CRYBA1: variants seen among roughly 807,000 people sequenced by gnomAD.
CRYBA1 encodes beta-crystallin A3.
In CRYBA1, 25 loss-of-function variants were observed where a neutral mutation model predicts 36.2. The ratio of observed to expected loss-of-function variants is 0.69; its 90% confidence interval spans 0.50 to 0.97. CRYBA1 has a LOEUF of 0.97. Among genes scored for constraint, CRYBA1 ranks in the 50% least tolerant of loss-of-function variants. The pLI is 0.00. For missense variants in CRYBA1, 224 were observed against 276.3 expected (o/e 0.81, Z 1.34); for synonymous variants, 111 against 90.0 (o/e 1.23, Z -1.32).
chr17:29,253,398 C>T (rs2068947973), intron 4 of CRYBA1, among the ~76,000 whole-genome samples: 1 of 152,212 alleles, frequency 6.6e-6, no homozygotes, highest in Non-Finnish European at 1.5e-5. Context: ...TTCTCACTGT[C>T]AAATCCTCTT....
chr17:29,247,019 G>C, intron 1 of CRYBA1, 125 bp downstream of exon 1: 3 of 1,054,290 alleles, frequency 2.8e-6, no homozygotes, highest in Admixed American at 4.0e-5. Context: ...GAAGAGTGGG[G>C]AACTCTGGCG....
Position 29,246,868 on chromosome 17 carries a change from A to C in CRYBA1, c.5A>C (p.Glu2Ala), listed in dbSNP as rs765316399. The change falls in exon 1 of 6, where the codon GAG becomes GCG. Residue 2 changes from glutamate (E) to alanine (A), a missense_variant. Glu to Ala is a moderately radical substitution (Grantham distance 107). Coordinates refer to ENST00000225387, the MANE Select transcript of CRYBA1 (RefSeq NM_005208.5). ...CCACAGAGCAAGTGGTACCAGATGG[A>C]GACCCAGGCTGAGCAGCAGGAGCTG... Reference protein sequence around the residue: METQAEQQELET... With the variant: MATQAEQQELET... The C allele has an allele frequency of 3.7e-6, 6 of 1,612,764 alleles. No homozygotes were observed. In the Admixed American group the frequency reaches 8.3e-5, roughly 22 times the overall value.
At chr17:29,251,716 C>T (rs993319517) in intron 3 of CRYBA1, among the ~76,000 whole-genome samples, 4 of 152,114 alleles carry the variant, frequency 2.6e-5, no homozygotes, top group Non-Finnish European at 5.9e-5. Context: ...TGGGCTCAAG[C>T]GATCTGCTTG....
chr17:29,247,960 T>C (rs1207299495), intron 1 of CRYBA1, among the ~76,000 whole-genome samples: 1 of 151,850 alleles, frequency 6.6e-6, no homozygotes, highest in African/African-American at 2.4e-5. Flanking sequence ...CTACTAAAAA[T>C]ACAAAATTAG....
intron 2 of CRYBA1, among the ~76,000 whole-genome samples, chr17:29,249,655 C>A (rs1422197416): frequency 2.0e-5 from 3 of 152,358 alleles, no homozygotes; most frequent in Admixed American, 1.3e-4. Flanking sequence ...ACTCCCCACT[C>A]TCCTCATTGG....
In CRYBA1 at chr17:29,254,241, G is replaced by A. The variant is rs1230345052; in HGVS notation, c.540G>A (p.Gln180=). Residue 180 remains glutamine (Q), a synonymous_variant, in exon 6 of 6, where the codon CAG becomes CAA. Transcript: ENST00000225387. ...AATATCCTGGATATCGTGGGTATCA[G>A]TATATCTTGGAATGTGACCATCATG... ...CYQYPGYRGY[Q]YILECDHHGG... is the part of the protein sequence containing the mutation. 1 of 1,614,156 alleles carries A rather than the reference G, an allele frequency of 6.2e-7. No homozygotes were observed. Among genetic ancestry groups the A allele is most frequent in the Non-Finnish European group, 8.5e-7 (1 of 1,180,008 alleles).
chr17:29,249,356 G>C, intron 2 of CRYBA1, 150 bp downstream of exon 2: 1 of 627,324 alleles, frequency 1.6e-6, no homozygotes, highest in East Asian at 2.7e-5. Context: ...TGCTGTCGAA[G>C]GAAGGATCTC....
intron 2 of CRYBA1, 108 bp downstream of exon 2, chr17:29,249,314 GTTTGTAGGGGAAAGGTCC>G (rs1225544625): frequency 7.5e-5 from 57 of 762,076 alleles, no homozygotes; most frequent in Non-Finnish European, 3.7e-5. Flanking sequence ...AAAAACCCCA[GTTTGTAGGGGAAAGGTCC>G]ACACAAGCTC....
chr17:29,250,350 A>AAGG, intron 3 of CRYBA1, 50 bp downstream of exon 3: 2 of 1,034,794 alleles, frequency 1.9e-6, no homozygotes, highest in Non-Finnish European at 3.1e-6. Flanking sequence ...AGGTCCCTTC[A>AAGG]GACAGGGGAC....
chr17:29,252,798 G>C (rs2068944024), intron 4 of CRYBA1, among the ~76,000 whole-genome samples: 2 of 152,180 alleles, frequency 1.3e-5, no homozygotes, highest in Admixed American at 1.3e-4. Flanking sequence ...GGTTGGGCTA[G>C]AACCTTTCCA....
chr17:29,249,114 C>T (rs1201985377), intron 1 of CRYBA1, 28 bp from the exon 2 acceptor site: 1 of 1,532,908 alleles, frequency 6.5e-7, no homozygotes, highest in Middle Eastern at 1.7e-4. Flanking sequence ...CAAGAGGCCA[C>T]ATCATTCGTG....
Position 29,249,158 on chromosome 17 carries a change from C to T in CRYBA1, c.48C>T (p.Thr16=). The T allele has an allele frequency of 1.9e-6, 3 of 1,613,108 alleles. No homozygotes were observed. The highest frequency in any genetic ancestry group is 2.5e-6 in the Non-Finnish European group (3 of 1,179,084). Reference sequence around the variant, plus strand: ...GTCTTCCAGAAACCCTTCCAACCACCAAGATGGCTCAGACCAACCCTACGC... The same window carrying T: ...GTCTTCCAGAAACCCTTCCAACCACTAAGATGGCTCAGACCAACCCTACGC... ...EQQELETLPT[T]KMAQTNPTPG... Residue 16 remains threonine (T), a synonymous_variant, in exon 2 of 6, where the codon ACC becomes ACT. Coordinates refer to ENST00000225387, the MANE Select transcript of CRYBA1 (RefSeq NM_005208.5).
chr17:29,252,013 A>G (rs747137290), intron 3 of CRYBA1, 51 bp from the exon 4 acceptor site: 2 of 1,613,964 alleles, frequency 1.2e-6, no homozygotes, highest in Non-Finnish European at 8.5e-7. Context: ...CTTCTCCCCA[A>G]GGCCATATAG....
At chr17:29,248,974 GCAA>G (rs149652143) in intron 1 of CRYBA1, among the ~76,000 whole-genome samples, 165 bp from the exon 2 acceptor site, 11 of 152,036 alleles carry the variant, frequency 7.2e-5, no homozygotes, top group East Asian at 3.9e-4. Flanking sequence ...TCTCAAAATA[GCAA>G]CAACAACAAC....
chr17:29,248,065 G>A (rs1388927901), intron 1 of CRYBA1, among the ~76,000 whole-genome samples: 2 of 151,544 alleles, frequency 1.3e-5, no homozygotes, highest in East Asian at 2.0e-4. Context: ...GCGGTGAGCC[G>A]AGATTGCGCC....
chr17:29,248,697 C>T (rs1370453618), intron 1 of CRYBA1, among the ~76,000 whole-genome samples: 1 of 151,890 alleles, frequency 6.6e-6, no homozygotes, highest in South Asian at 2.1e-4. Context: ...AACTGCATGT[C>T]GAAGCTTTAC....
chr17:29,251,984 T>C, intron 3 of CRYBA1, 80 bp from the exon 4 acceptor site: 1 of 1,589,410 alleles, frequency 6.3e-7, no homozygotes. Context: ...ACTATTGACT[T>C]ATCTAAAACG....
Position 29,253,648 on chromosome 17 carries a change from G to A in CRYBA1, c.366G>A (p.Lys122=). The change falls in exon 5 of 6, where the codon AAG becomes AAA. Residue 122 remains lysine (K), a synonymous_variant. Coordinates refer to ENST00000225387, the MANE Select transcript of CRYBA1 (RefSeq NM_005208.5). ...SFRPICSANH[K]ESKMTIFEKE... The stretch of plus-strand genomic sequence containing the variant: ...CAATTTCTGAATTACAGAATCATAA[G>A]GAGTCTAAGATGACCATCTTTGAGA... The A allele has an allele frequency of 1.2e-6, 2 of 1,612,248 alleles. No homozygotes were observed. The highest frequency in any genetic ancestry group is 8.5e-7 in the Non-Finnish European group (1 of 1,178,312).
At position 29,254,315 on chromosome 17, in the gene CRYBA1, C is replaced by T. The variant is rs147836280; in HGVS notation, c.614C>T (p.Ser205Leu). The change falls in exon 6 of 6, where the codon TCG becomes TTG. Residue 205 changes from serine to leucine, a missense_variant. Coordinates refer to ENST00000225387, the MANE Select transcript of CRYBA1 (RefSeq NM_005208.5). ...WREWGSHAQT[S>L]QIQSIRRIQQ ...GAGTGGGGCTCTCATGCCCAGACTT[C>T]GCAGATCCAATCGATTCGCCGAATC... 1.2e-5 allele frequency: 19 copies of T among 1,614,108 alleles called. No individual in the cohort carries two copies. Among genetic ancestry groups the T allele is most frequent in the East Asian group, 2.2e-5 (1 of 44,884 alleles).
Sources: allele counts gnomAD v4.1 joint callset (sites outside exome capture counted in the v4.1 genomes callset), GRCh38; gene constraint gnomAD v4.1.1; transcripts MANE v1.5; gene names NCBI Gene and HGNC (gene_info 2026-07-23, HGNC 2026-07-21).